KRT2: variants seen among roughly 807,000 people sequenced by gnomAD.
The protein encoded by KRT2 is keratin 2.
A neutral mutation model predicts 48.5 loss-of-function variants in KRT2; 37 were observed. That is an observed-to-expected ratio of 0.76 (90% CI 0.59 to 1.00). The LOEUF is 1.00. Among genes scored for constraint, KRT2 ranks in the 50% least tolerant of loss-of-function variants. The probability of loss-of-function intolerance (pLI) is 0.00; values close to 1 mark genes in which losing one functional copy is unlikely to be tolerated. For missense variants in KRT2, 880 were observed against 815.2 expected (o/e 1.08, Z -0.97); for synonymous variants, 324 against 312.2 (o/e 1.04, Z -0.40).
intron 6 of KRT2, 52 bp downstream of exon 6, chr12:52,647,678 C>G: frequency 6.2e-7 from 1 of 1,605,962 alleles, no homozygotes; most frequent in Non-Finnish European, 8.5e-7. Context: ...CACACTCTCA[C>G]GCACACCCAG....
chr12:52,645,110 C>G lies in KRT2; in HGVS notation c.1829G>C (p.Gly610Ala), dbSNP rs886049630. ...GGSRGGSSSG[G>A]GYGSGGGGSS... Reference sequence around the variant, plus strand: ...ACCCCCACCTCCAGAGCCATATCCTCCTCCAGAGCTGGAGCCTCCTCTAGA... The same window carrying G: ...ACCCCCACCTCCAGAGCCATATCCTGCTCCAGAGCTGGAGCCTCCTCTAGA... Residue 610 changes from glycine to alanine, a missense_variant, in exon 9 of 9, where the codon GGA becomes GCA. By Grantham distance (60) the Gly-to-Ala change is moderately conservative. Transcript: ENST00000309680. 1 of 1,613,846 alleles carries G rather than the reference C, an allele frequency of 6.2e-7. No individual in the cohort carries two copies. Among genetic ancestry groups the G allele is most frequent in the African/African-American group, 1.3e-5 (1 of 74,906 alleles).
Position 52,645,570 on chromosome 12 carries a change from C to G in KRT2, c.1470-1G>C. ...ATTGCTGCTGAGGTCTCCAGACATC[C>G]TGTAAGGGAGAGAGAAAAAACAAGT... On this transcript the variant is annotated splice_acceptor_variant, in intron 7 of 8. Transcript: ENST00000309680. LOFTEE classifies it high-confidence loss of function. 6.2e-7 allele frequency: 1 copy of G among 1,614,120 alleles called. No individual in the cohort carries two copies. The highest frequency in any genetic ancestry group is 1.7e-5 in the Admixed American group (1 of 60,026).
intron 6 of KRT2, 34 bp downstream of exon 6, chr12:52,647,696 C>A: frequency 6.2e-7 from 1 of 1,611,590 alleles, no homozygotes; most frequent in Non-Finnish European, 8.5e-7. Context: ...CAGAGACAAC[C>A]TCCCGCCCCT....
At position 52,649,968 on chromosome 12, in the gene KRT2, C is replaced by T. The variant is rs542809502; in HGVS notation, c.807G>A (p.Glu269=). The T allele has an allele frequency of 6.2e-7, 1 of 1,611,652 alleles. No individual in the cohort carries two copies. The highest frequency in any genetic ancestry group is 8.5e-7 in the Non-Finnish European group (1 of 1,177,724). The change falls in exon 3 of 9, where the codon GAG becomes GAA. Residue 269 remains glutamate (E), a synonymous_variant. Coordinates refer to ENST00000309680, the MANE Select transcript of KRT2 (RefSeq NM_000423.3). ...DLVEDYKKKY[E]DEINKRTAAE... ...CAGCTGTGCGCTTATTGATTTCATC[C>T]TCATACCTATTGGGACACAGATGTT...
Position 52,648,181 on chromosome 12 carries a change from G to T in KRT2, c.1114C>A (p.His372Asn), listed in dbSNP as rs1237983649. The change falls in exon 5 of 9, where the codon CAC becomes AAC. Residue 372 changes from histidine to asparagine, a missense_variant. Transcript: ENST00000309680. ...RSKEEAEALY[H>N]SKYEELQVTV... ...ACATTCCCTCTACTTGCCTTGCTGT[G>T]GTACAGGGCCTCCGCTTCTTCCTTG... The T allele has an allele frequency of 4.3e-6, 7 of 1,614,164 alleles. No homozygotes were observed. The East Asian group carries it at 1.6e-4, about 36-fold the overall frequency.
chr12:52,648,442 C>A, intron 4 of KRT2, 105 bp from the exon 5 acceptor site: 2 of 941,292 alleles, frequency 2.1e-6, no homozygotes, highest in African/African-American at 1.6e-5. Context: ...TCAGACTAAG[C>A]ATACACTAGG....
At position 52,649,029 on chromosome 12, in the gene KRT2, A is replaced by G. The variant is rs1941210387; in HGVS notation, c.935T>C (p.Phe312Ser). The G allele has an allele frequency of 1.2e-6, 2 of 1,611,530 alleles. No homozygotes were observed. The highest frequency in any genetic ancestry group is 3.3e-5 in the Admixed American group (2 of 60,004). Residue 312 changes from phenylalanine (F) to serine (S), a missense_variant, in exon 4 of 9, where the codon TTT becomes TCT. Transcript: ENST00000309680. ...TACCGCATCATAGAGAACTTTCAGA[A>G]ACTCAATTTCCTGGTTCAGCAGGTC... ...KVDLLNQEIE[F>S]LKVLYDAEIS...
intron 2 of KRT2, 42 bp downstream of exon 2, chr12:52,650,297 T>C (rs374048030): frequency 2.5e-5 from 39 of 1,542,074 alleles, no homozygotes; most frequent in Non-Finnish European, 3.3e-5. Flanking sequence ...AATGGCTCAG[T>C]GCAATGTTTA....
chr12:52,647,949 A>G, intron 5 of KRT2, 94 bp from the exon 6 acceptor site: 1 of 1,533,192 alleles, frequency 6.5e-7, no homozygotes, highest in Non-Finnish European at 9.0e-7. Context: ...TTACTGGTCC[A>G]GGGAGGGTCA....
Position 52,651,962 on chromosome 12 carries a change from G to C in KRT2, c.181C>G (p.Arg61Gly). ...GTCCCTCCAAGGCCAACAAGACTCC[G>C]ACTGCCAAAGCCGCCTCCACCGAAG... ...GGFGGGGFGS[R>G]SLVGLGGTKS... The change falls in exon 1 of 9, where the codon CGG (arginine) becomes GGG (glycine). Residue 61 changes from arginine to glycine, a missense_variant. By Grantham distance (125) the Arg-to-Gly change is moderately radical. Transcript: ENST00000309680. The C allele has an allele frequency of 6.2e-7, 1 of 1,612,902 alleles. No homozygotes were observed. The highest frequency in any genetic ancestry group is 8.5e-7 in the Non-Finnish European group (1 of 1,179,582).
chr12:52,649,880 TC>T, intron 3 of KRT2, 33 bp downstream of exon 3: 1 of 1,568,452 alleles, frequency 6.4e-7, no homozygotes, highest in Non-Finnish European at 8.8e-7. Context: ...AGCACTCCTA[TC>T]CCCACCCCCA....
At position 52,646,969 on chromosome 12, in the gene KRT2, G is replaced by C. The variant is rs1592255595; in HGVS notation, c.1249-9C>G. Reference sequence around the variant, plus strand: ...TCTTGCACATTCTTACACTATGACAGAAGGACAGAGAATGGATTCTGCCTG... The same window carrying C: ...TCTTGCACATTCTTACACTATGACACAAGGACAGAGAATGGATTCTGCCTG... On this transcript the variant is annotated splice_polypyrimidine_tract_variant and intron_variant, in intron 6 of 8. Transcript: ENST00000309680. 6.2e-7 allele frequency: 1 copy of C among 1,612,096 alleles called. No homozygotes were observed. The highest frequency in any genetic ancestry group is 8.5e-7 in the Non-Finnish European group (1 of 1,178,370).
intron 3 of KRT2, 150 bp from the exon 4 acceptor site, chr12:52,649,252 C>T (rs1456002755): frequency 7.3e-6 from 5 of 681,434 alleles, no homozygotes; most frequent in Middle Eastern, 3.9e-4. Flanking sequence ...CTTCTTTTGT[C>T]GTGCAGTTTA....
intron 1 of KRT2, 186 bp from the exon 2 acceptor site, chr12:52,650,739 C>T: frequency 1.5e-6 from 1 of 661,400 alleles, no homozygotes; most frequent in Non-Finnish European, 2.7e-6. Flanking sequence ...CCACAGACTC[C>T]TAATGCTACA....
chr12:52,645,053 G>C lies in KRT2; in HGVS notation c.1886C>G (p.Ala629Gly), dbSNP rs761750176. 13 of 1,613,944 alleles carry C rather than the reference G, an allele frequency of 8.1e-6. No individual in the cohort carries two copies. In the Admixed American group the frequency reaches 2.2e-4, roughly 27 times the overall value. The change falls in exon 9 of 9, where the codon GCT becomes GGT. Residue 629 changes from alanine (A) to glycine (G), a missense_variant. By Grantham distance (60) the Ala-to-Gly change is moderately conservative. Coordinates refer to ENST00000309680, the MANE Select transcript of KRT2 (RefSeq NM_000423.3). ...SSSVKGSSGEAFGSSVTFSFR is the reference protein window; with the variant it reads ...SSSVKGSSGEGFGSSVTFSFR ...AGAGAAGGTCACGCTGGAACCAAAA[G>C]CTTCACCTGAGCTACCCTTTACAGA...
Position 52,644,913 on chromosome 12 carries a change from T to C in KRT2, c.*106A>G, listed in dbSNP as rs1316730397. 1.2e-5 allele frequency: 15 copies of C among 1,231,398 alleles called. No individual in the cohort carries two copies. Among genetic ancestry groups the C allele is most frequent in the Non-Finnish European group, 1.8e-5 (15 of 851,618 alleles). 76.3% of individuals were successfully genotyped at this position (1,231,398 alleles called of 1,614,324 possible). ...CCCTCAAAGTGCCATCAGAGATAAA[T>C]GACAAAAATTTAACTTGCTGCCAGT... On this transcript the variant is annotated 3_prime_UTR_variant, in exon 9 of 9. Transcript: ENST00000309680.
Position 52,647,860 on chromosome 12 carries a change from T to C in KRT2, c.1123-5A>G, listed in dbSNP as rs1354217118. The C allele has an allele frequency of 1.2e-6, 2 of 1,613,998 alleles. No individual in the cohort carries two copies. The highest frequency in any genetic ancestry group is 2.2e-5 in the East Asian group (1 of 44,864). ...AGTCACCTGGAGCTCCTCATACTGA[T>C]ATGGGGAGAAGAGGACAGTTTGCAA... On this transcript the variant is annotated splice_polypyrimidine_tract_variant and splice_region_variant and intron_variant, in intron 5 of 8. Transcript: ENST00000309680.
rs1216082601 is a variant in KRT2, at chr12:52,651,855, A to G, written c.288T>C (p.Phe96=). The G allele has an allele frequency of 2.5e-6, 4 of 1,604,900 alleles. No individual in the cohort carries two copies. In the African/African-American group the frequency reaches 4.0e-5, roughly 16 times the overall value. The change falls in exon 1 of 9, where the codon TTT becomes TTC. Residue 96 remains phenylalanine, a synonymous_variant. Transcript: ENST00000309680. The part of the protein sequence containing the change: ...AGGFGGRGGG[F]GGGSSFGGGS... ...CACCTCCAAAGCTGCTGCCGCCTCC[A>G]AAACCACCTCCTCTGCCACCAAATC...
rs757450461 is a variant in KRT2 at position 52,651,961 on chromosome 12, C to T, written c.182G>A (p.Arg61Gln). 67 of 1,613,546 alleles carry T rather than the reference C, an allele frequency of 4.2e-5. No individual in the cohort carries two copies. The East Asian group carries it at 4.7e-4, about 11-fold the overall frequency. Residue 61 changes from arginine (R) to glutamine (Q), a missense_variant, in exon 1 of 9, where the codon CGG becomes CAG. Arg to Gln is a conservative substitution (Grantham distance 43). Coordinates refer to ENST00000309680, the MANE Select transcript of KRT2 (RefSeq NM_000423.3). ...GGTCCCTCCAAGGCCAACAAGACTC[C>T]GACTGCCAAAGCCGCCTCCACCGAA... Reference protein sequence around the residue: ...GGFGGGGFGSRSLVGLGGTKS... With the variant: ...GGFGGGGFGSQSLVGLGGTKS...
Sources: gnomAD v4.1 joint callset for allele counts on GRCh38, gnomAD v4.1.1 for gene constraint, MANE v1.5 for transcripts, NCBI Gene and HGNC (gene_info 2026-07-23, HGNC 2026-07-21) for gene names.